The following HINT1 variants were observed in gnomAD, a reference collection of about 807,000 sequenced individuals.
The protein encoded by HINT1 is adenosine 5'-monophosphoramidase HINT1.
In HINT1, 12 loss-of-function variants were observed where a neutral mutation model predicts 11.2. The observed-to-expected ratio is 1.07, with a 90% confidence interval of 0.69 to 1.74. HINT1 has a LOEUF of 1.74. HINT1 is among the 40% of genes most tolerant of loss of function. The pLI, the probability that HINT1 is intolerant of heterozygous loss-of-function variation, is 0.00. For synonymous variants in HINT1, 42 were observed against 52.6 expected (o/e 0.80, Z 0.87); for missense variants, 150 against 161.8 (o/e 0.93, Z 0.40).
intron 2 of HINT1, 96 bp downstream of exon 2, chr5:131,162,476 A>T: frequency 6.4e-7 from 1 of 1,570,214 alleles, no homozygotes; most frequent in Admixed American, 1.8e-5. Context: ...CTTAGTAATG[A>T]CCTTAGGAAG....
At chr5:131,160,370 G>T (rs767196680) in intron 2 of HINT1, among the ~76,000 whole-genome samples, 4 of 152,114 alleles carry the variant, frequency 2.6e-5, no homozygotes, top group Non-Finnish European at 5.9e-5. Flanking sequence ...CAGTCAATTT[G>T]TCTCTATTTA....
intron 2 of HINT1, among the ~76,000 whole-genome samples, chr5:131,161,582 CG>C (rs975503189): frequency 5.1e-5 from 7 of 137,534 alleles, no homozygotes; most frequent in African/African-American, 1.9e-4. Context: ...GCAACAAGAA[CG>C]AAACTCCGTC....
At chr5:131,162,201 G>C (rs1445284683) in intron 2 of HINT1, 1 of 530,454 alleles carries the variant, frequency 1.9e-6, no homozygotes, top group Admixed American at 3.5e-5. Context: ...GCGGGCGCCT[G>C]TTGTCCCACT....
At chr5:131,162,342 G>C (rs753616301) in intron 2 of HINT1, 2 of 788,862 alleles carry the variant, frequency 2.5e-6, no homozygotes, top group South Asian at 1.6e-5. Flanking sequence ...AAAGGTAATA[G>C]CAAGTGTTGA....
intron 1 of HINT1, among the ~76,000 whole-genome samples, chr5:131,163,642 C>G (rs10036296): frequency 2.0e-5 from 3 of 151,362 alleles, no homozygotes; most frequent in African/African-American, 7.3e-5. Context: ...TTGTCTGATA[C>G]TTGATTAATA....
rs1015746761 is a variant in HINT1 at position 131,159,627 on chromosome 5, A to T, written c.217-16T>A. The T allele has an allele frequency of 5.0e-6, 8 of 1,603,250 alleles. No individual in the cohort carries two copies. Among genetic ancestry groups the T allele is most frequent in the Non-Finnish European group, 6.8e-6 (8 of 1,173,986 alleles). Reference sequence around the variant, plus strand: ...GTCCAAGAAGCTGGAAAAGGAAAAAAAGTTTCTTAGGCACAGGCAATTTAT... The same window carrying T: ...GTCCAAGAAGCTGGAAAAGGAAAAATAGTTTCTTAGGCACAGGCAATTTAT... On this transcript the variant is annotated splice_polypyrimidine_tract_variant and intron_variant, in intron 2 of 2. Coordinates refer to ENST00000304043, the MANE Select transcript of HINT1 (RefSeq NM_005340.7).
At chr5:131,160,883 A>G (rs1188462697) in intron 2 of HINT1, 3 of 455,294 alleles carry the variant, frequency 6.6e-6, no homozygotes, top group Admixed American at 4.7e-5. Flanking sequence ...GATTTTGCCC[A>G]ACTGTAGGTT....
At chr5:131,163,884 C>A (rs1755320410) in intron 1 of HINT1, among the ~76,000 whole-genome samples, 1 of 152,112 alleles carries the variant, frequency 6.6e-6, no homozygotes, top group Admixed American at 6.6e-5. Context: ...CTGGGTACTC[C>A]CTACAAAATG....
At position 131,165,253 on chromosome 5, in the gene HINT1, G is replaced by A. The variant is rs1355437114; in HGVS notation, c.-48C>T. 4 of 1,586,906 alleles carry A rather than the reference G, an allele frequency of 2.5e-6. No homozygotes were observed. Among genetic ancestry groups the A allele is most frequent in the South Asian group, 1.1e-5 (1 of 90,448 alleles). On this transcript the variant is annotated 5_prime_UTR_variant, in exon 1 of 3. Transcript: ENST00000304043. ...GGCCAGAGGAGAGGCTCGGAAGAAGGGAGGAACCCGCAGAGCGTGCGGCGC... is the reference window on the plus strand; with the variant it reads ...GGCCAGAGGAGAGGCTCGGAAGAAGAGAGGAACCCGCAGAGCGTGCGGCGC...
intron 2 of HINT1, chr5:131,160,909 G>A (rs570665687): frequency 3.8e-5 from 17 of 447,922 alleles, no homozygotes; most frequent in South Asian, 1.6e-4. Context: ...TAAGTGTTCC[G>A]AGCAAGCTTA....
intron 1 of HINT1, among the ~76,000 whole-genome samples, chr5:131,164,480 AGGGT>A (rs1349317891): frequency 7.2e-5 from 11 of 152,344 alleles, no homozygotes; most frequent in Middle Eastern, 3.4e-3. Flanking sequence ...TCGCTAGCCC[AGGGT>A]AGGCCTTGGG....
chr5:131,165,135 C>G lies in HINT1; in HGVS notation c.71G>C (p.Arg24Pro), dbSNP rs201262077. Residue 24 changes from arginine to proline, a missense_variant, in exon 1 of 3, where the codon CGC becomes CCC. Transcript: ENST00000304043. ...GGDTIFGKIIRKEIPAKIIFE... is the reference protein window; with the variant it reads ...GGDTIFGKIIPKEIPAKIIFE... ...AATGATTTTGGCTGGTATTTCCTTG[C>G]GGATGATCTTCCCAAAGATCGTGTC... The G allele has an allele frequency of 6.2e-7, 1 of 1,613,000 alleles. No individual in the cohort carries two copies. The highest frequency in any genetic ancestry group is 1.3e-5 in the African/African-American group (1 of 74,940).
At position 131,159,417 on chromosome 5, in the gene HINT1, AAAG is replaced by A; in HGVS notation, c.*27_*29del. On this transcript the variant is annotated 3_prime_UTR_variant, in exon 3 of 3. Coordinates refer to ENST00000304043, the MANE Select transcript of HINT1 (RefSeq NM_005340.7). ...AAATTGCCTAACTTAATCATTGCCT[AAAG>A]AAGAGAAAATTATCCCCAAAACGTG... The A allele has an allele frequency of 1.2e-6, 2 of 1,604,130 alleles. No individual in the cohort carries two copies. The highest frequency in any genetic ancestry group is 1.7e-6 in the Non-Finnish European group (2 of 1,175,128).
At chr5:131,159,761 G>A (rs1755202926) in intron 2 of HINT1, 150 bp from the exon 3 acceptor site, 1 of 653,876 alleles carries the variant, frequency 1.5e-6, no homozygotes, top group Non-Finnish European at 2.6e-6. Flanking sequence ...AATCCCAACA[G>A]AGCATAATCT....
At position 131,162,228 on chromosome 5, in the gene HINT1, C is replaced by A. The variant is rs1381263264; in HGVS notation, c.216+344G>T. The A allele has an allele frequency of 1.4e-5, 8 of 557,416 alleles. No individual in the cohort carries two copies. In the East Asian group the frequency reaches 2.3e-4, roughly 16 times the overall value. 34.5% of individuals were successfully genotyped at this position (557,416 alleles called of 1,614,324 possible). On this transcript the variant is annotated intron_variant, in intron 2 of 2. Transcript: ENST00000304043. ...TGTCCCACTACTCGGGAGGCTGAGGCAGGAGAATGGTGTGAACCAGGGAGG... is the reference window on the plus strand; with the variant it reads ...TGTCCCACTACTCGGGAGGCTGAGGAAGGAGAATGGTGTGAACCAGGGAGG...
chr5:131,161,370 G>T (rs1393484752), intron 2 of HINT1, among the ~76,000 whole-genome samples: 1 of 152,094 alleles, frequency 6.6e-6, no homozygotes, highest in Admixed American at 6.5e-5. Context: ...TTGGAAGGCT[G>T]AGGCGGGTGG....
rs1296330457 is a variant in HINT1 at position 131,165,089 on chromosome 5, A to G, written c.111+6T>C. On this transcript the variant is annotated splice_donor_region_variant and intron_variant, in intron 1 of 2. Transcript: ENST00000304043. ...GCAGGCGAGAGAGGTGGTGCCCAGT[A>G]CCTACCCGGTCATCCTCAAAAATGA... The G allele has an allele frequency of 5.9e-5, 96 of 1,613,450 alleles. No homozygotes were observed. Among genetic ancestry groups the G allele is most frequent in the Non-Finnish European group, 8.1e-5 (96 of 1,179,850 alleles).
In HINT1 at chr5:131,159,370, AGT is replaced by A. The variant is rs1470737661; in HGVS notation, c.*75_*76del. 14 of 1,317,738 alleles carry A rather than the reference AGT, an allele frequency of 1.1e-5. No homozygotes were observed. The East Asian group carries it at 1.2e-4, about 11-fold the overall frequency. The allele number at this position is 1,317,738 out of a possible 1,614,324, so 81.6% of individuals were successfully genotyped here. On this transcript the variant is annotated 3_prime_UTR_variant, in exon 3 of 3. Coordinates refer to ENST00000304043, the MANE Select transcript of HINT1 (RefSeq NM_005340.7). Reference sequence around the variant, plus strand: ...ATCTCTCCATACACAGGCAAAAATAAGTGTGTTACTTAACATACTGGAAATTG... The same window carrying A: ...ATCTCTCCATACACAGGCAAAAATAAGTGTTACTTAACATACTGGAAATTG...
At chr5:131,159,756 C>T in intron 2 of HINT1, 145 bp from the exon 3 acceptor site, 1 of 674,400 alleles carries the variant, frequency 1.5e-6, no homozygotes, top group Non-Finnish European at 2.5e-6. Flanking sequence ...CTCTTAATCC[C>T]AACAGAGCAT....
Sources: allele counts gnomAD v4.1 joint callset (sites outside exome capture counted in the v4.1 genomes callset), GRCh38; gene constraint gnomAD v4.1.1; transcripts MANE v1.5; gene names NCBI Gene and HGNC (gene_info 2026-07-23, HGNC 2026-07-21).